SEMA3A: variants seen among roughly 807,000 people sequenced by gnomAD.
SEMA3A encodes semaphorin 3A.
SEMA3A carries 29 observed loss-of-function variants against 97.9 expected under a neutral mutation model. The observed-to-expected ratio is 0.30, with a 90% CI of 0.22 to 0.40. The LOEUF is 0.40. Ranked by LOEUF, SEMA3A falls within the 10% of genes least tolerant of loss-of-function variation. The pLI, the probability that SEMA3A is intolerant of heterozygous loss-of-function variation, is 1.00. For missense variants in SEMA3A, 763 were observed against 951.3 expected (o/e 0.80, Z 2.60); for synonymous variants, 321 against 323.7 (o/e 0.99, Z 0.09).
intron 1 of SEMA3A, among the ~76,000 whole-genome samples, chr7:84,415,034 C>T (rs1804394354): frequency 6.6e-6 from 1 of 151,908 alleles, no homozygotes; most frequent in Admixed American, 6.6e-5. Context: ...AGATATTAAC[C>T]AATCCAAAGA....
At chr7:84,365,375 T>C (rs1177401466) in intron 2 of SEMA3A, among the ~76,000 whole-genome samples, 1 of 151,590 alleles carries the variant, frequency 6.6e-6, no homozygotes, top group African/African-American at 2.4e-5. Context: ...GCTCTCTCTC[T>C]GCATTTATTT....
chr7:84,171,837 T>G (rs1356759294), intron 1 of SEMA3A, among the ~76,000 whole-genome samples: 1 of 152,168 alleles, frequency 6.6e-6, no homozygotes, highest in Non-Finnish European at 1.5e-5. Flanking sequence ...TTTATTCTGC[T>G]TAAATTGAAA....
chr7:84,356,586 C>A (rs117078906), intron 2 of SEMA3A, among the ~76,000 whole-genome samples: 4 of 151,362 alleles, frequency 2.6e-5, no homozygotes, highest in African/African-American at 9.7e-5. Context: ...AAAGTAAAAC[C>A]GAATCATTAT....
At chr7:84,136,960 A>AAGGAAG (rs1562805305) in intron 1 of SEMA3A, among the ~76,000 whole-genome samples, 31,483 of 141,114 alleles carry the variant, frequency 0.22, 4,614 homozygotes, top group Middle Eastern at 0.33. Flanking sequence ...GAGGGAGGGA[A>AAGGAAG]GAAGGAAGGA....
intron 1 of SEMA3A, among the ~76,000 whole-genome samples, chr7:84,186,582 T>C (rs1014334983): frequency 6.6e-6 from 1 of 152,154 alleles, no homozygotes; most frequent in Non-Finnish European, 1.5e-5. Flanking sequence ...TAAACAACTT[T>C]GTTTTAGCTA....
chr7:84,321,899 AG>A (rs56278881), intron 2 of SEMA3A, among the ~76,000 whole-genome samples: 1,838 of 60,040 alleles, frequency 0.031, 219 homozygotes, highest in Non-Finnish European at 0.038. Context: ...AAAAAAAAAA[AG>A]AAGAAGAAGA....
At chr7:84,148,818 G>A (rs185563049) in intron 1 of SEMA3A, among the ~76,000 whole-genome samples, 8 of 152,304 alleles carry the variant, frequency 5.3e-5, no homozygotes. Flanking sequence ...TCCACTTGAA[G>A]AGTAAATATT....
intron 1 of SEMA3A, among the ~76,000 whole-genome samples, chr7:84,439,916 C>A (rs182458595): frequency 2.0e-3 from 310 of 151,882 alleles, no homozygotes; most frequent in Non-Finnish European, 3.7e-3. Context: ...TTAATAAACC[C>A]AGGATATGGA....
chr7:84,376,429 C>T (rs1188817094), intron 1 of SEMA3A, among the ~76,000 whole-genome samples: 7 of 124,606 alleles, frequency 5.6e-5, no homozygotes, highest in East Asian at 3.0e-4. Flanking sequence ...AGTGAAACCC[C>T]GTCTCTACTA....
chr7:84,478,176 A>G (rs1806351042), intron 1 of SEMA3A, among the ~76,000 whole-genome samples: 1 of 152,134 alleles, frequency 6.6e-6, no homozygotes, highest in Non-Finnish European at 1.5e-5. Flanking sequence ...CGGGACTTGG[A>G]GCAAAACTGA....
At chr7:84,381,941 G>T (rs1022037654) in intron 1 of SEMA3A, among the ~76,000 whole-genome samples, 8 of 152,104 alleles carry the variant, frequency 5.3e-5, no homozygotes, top group Non-Finnish European at 1.2e-4. Flanking sequence ...ACTTAAGTAT[G>T]CATGTAAAAG....
chr7:84,217,777 A>T lies in SEMA3A; in HGVS notation c.-82-23109T>A, dbSNP rs62967163. Among the ~76,000 whole-genome samples, 39 of 150,072 alleles carry T rather than the reference A, an allele frequency of 2.6e-4. 1 individual carries two copies. The South Asian group carries it at 8.2e-3, about 32-fold the overall frequency. On this transcript the variant is annotated intron_variant, in intron 3 of 3. Coordinates refer to the SEMA3A transcript ENST00000424555. ...CTCTGTCTCTTCAAAAAAAAAAAAAATTATCCTCAGGCTGCTCAGGCTGGG... is the reference window on the plus strand; with the variant it reads ...CTCTGTCTCTTCAAAAAAAAAAAAATTTATCCTCAGGCTGCTCAGGCTGGG...
chr7:84,249,392 T>TATCTATCTATCTATC, intron 3 of SEMA3A, among the ~76,000 whole-genome samples: 2 of 151,888 alleles, frequency 1.3e-5, no homozygotes, highest in East Asian at 3.9e-4. Context: ...TCTATCTATC[T>TATCTATCTATCTATC]ATCTATCTAT....
intron 2 of SEMA3A, among the ~76,000 whole-genome samples, chr7:84,323,236 A>C (rs907800030): frequency 6.6e-5 from 10 of 152,178 alleles, no homozygotes; most frequent in African/African-American, 1.2e-4. Context: ...TTTGTTCTAT[A>C]GTGTAATATT....
At chr7:84,070,630 T>C (rs1029840297) in intron 4 of SEMA3A, among the ~76,000 whole-genome samples, 1 of 152,144 alleles carries the variant, frequency 6.6e-6, no homozygotes, top group Non-Finnish European at 1.5e-5. Context: ...ATTGAAAGAA[T>C]GTATGTTATC....
chr7:84,380,583 G>C (rs1292456695), intron 1 of SEMA3A, among the ~76,000 whole-genome samples: 1 of 152,090 alleles, frequency 6.6e-6, no homozygotes, highest in African/African-American at 2.4e-5. Flanking sequence ...GTTAGCATAG[G>C]TATTAGGTTT....
chr7:83,980,603 C>CAA (rs749889921), intron 14 of SEMA3A, among the ~76,000 whole-genome samples: 135 of 53,860 alleles, frequency 2.5e-3, no homozygotes, highest in African/African-American at 7.7e-3. Context: ...GACTCCATCT[C>CAA]AAAAAAAAAA....
Position 84,318,317 on chromosome 7 carries a change from G to GTTTT in SEMA3A, c.-168-11029_-168-11026dup, listed in dbSNP as rs71522699. ...ACTTGTGTGAATAAATGATTTCTTG[G>GTTTT]TTTTTTTTTTTTTTTTTTTTTTTGA... On this transcript the variant is annotated intron_variant, in intron 2 of 3. Transcript: ENST00000424555. Among the ~76,000 whole-genome samples the GTTTT allele has an allele frequency of 2.5e-3, 242 of 97,808 alleles. 4 individuals are homozygous for GTTTT. Among genetic ancestry groups the GTTTT allele is most frequent in the African/African-American group, 5.9e-3 (151 of 25,526 alleles). 64.2% of individuals were successfully genotyped at this position (97,808 alleles called of 152,430 possible).
intron 2 of SEMA3A, among the ~76,000 whole-genome samples, chr7:84,132,683 T>G (rs1379130935): frequency 1.5e-5 from 2 of 137,292 alleles, no homozygotes; most frequent in African/African-American, 5.3e-5. Context: ...TTTTTTTTTT[T>G]TTTTTTTTTT....
Sources: gnomAD v4.1 joint callset for allele counts (sites outside exome capture counted in the v4.1 genomes callset) on GRCh38, gnomAD v4.1.1 for gene constraint, MANE v1.5 for transcripts, NCBI Gene and HGNC (gene_info 2026-07-23, HGNC 2026-07-21) for gene names.